SQSTM1: variants seen among roughly 807,000 people sequenced by gnomAD.
SQSTM1 encodes the protein sequestosome-1.
In SQSTM1, 36 loss-of-function variants were observed where a neutral mutation model predicts 45.1. That is an observed-to-expected ratio of 0.80 (90% CI 0.61 to 1.05). The LOEUF (loss-of-function observed/expected upper bound fraction) is 1.05, where lower values mean the gene tolerates loss of function less well. SQSTM1 is among the 50% of genes least tolerant of loss of function. The probability of loss-of-function intolerance (pLI) is 0.00; values close to 1 mark genes in which losing one functional copy is unlikely to be tolerated. For missense variants in SQSTM1, 617 were observed against 607.1 expected (o/e 1.02, Z -0.17); for synonymous variants, 290 against 244.3 (o/e 1.19, Z -1.74).
At chr5:179,809,155 CTT>C (rs148749058) in intron 1 of SQSTM1, among the ~76,000 whole-genome samples, 12 of 100,212 alleles carry the variant, frequency 1.2e-4, no homozygotes, top group Non-Finnish European at 1.2e-4. Flanking sequence ...CCACCCCGGC[CTT>C]TTTTTTTTTT....
At chr5:179,820,075 G>A (rs1757717074), upstream of SQSTM1, 1 of 152,690 alleles carries the variant, frequency 6.5e-6, no homozygotes, top group South Asian at 2.1e-4. Context: ...TTACTCTGGT[G>A]GCATAAAGCA....
intron 6 of SQSTM1, 94 bp from the exon 7 acceptor site, chr5:179,833,493 C>T (rs549227547): frequency 1.1e-5 from 15 of 1,354,556 alleles, no homozygotes; most frequent in East Asian, 4.7e-5. Context: ...CGTGTGCATG[C>T]GTGCTCCCCG....
At chr5:179,814,159 C>T (rs555124137), upstream of SQSTM1, among the ~76,000 whole-genome samples, 2 of 152,308 alleles carry the variant, frequency 1.3e-5, no homozygotes, top group East Asian at 3.9e-4. Context: ...AACTCCGTTT[C>T]TCTTGCTAAT....
In SQSTM1 at chr5:179,836,455, T is replaced by C. The variant is rs756095586; in HGVS notation, c.1185T>C (p.Ile395=). The C allele has an allele frequency of 1.2e-6, 2 of 1,614,206 alleles. No homozygotes were observed. Among genetic ancestry groups the C allele is most frequent in the South Asian group, 1.1e-5 (1 of 91,090 alleles). ...HLPPEADPRL[I]ESLSQMLSMG... ...CGGCAGAGGCTGACCCGCGGCTGATTGAGTCCCTCTCCCAGATGCTGTCCA... is the reference window on the plus strand; with the variant it reads ...CGGCAGAGGCTGACCCGCGGCTGATCGAGTCCCTCTCCCAGATGCTGTCCA... The change falls in exon 8 of 8, where the codon ATT becomes ATC. Residue 395 remains isoleucine (I), a synonymous_variant. Coordinates refer to ENST00000389805, the MANE Select transcript of SQSTM1 (RefSeq NM_003900.5).
chr5:179,829,109 C>A (rs376104408), intron 5 of SQSTM1, among the ~76,000 whole-genome samples: 1 of 152,192 alleles, frequency 6.6e-6, no homozygotes, highest in South Asian at 2.1e-4. Context: ...TGGCTCTTGC[C>A]AACAATTGAA....
rs1383894920 is a variant in SQSTM1, at chr5:179,836,533, C to A, written c.1263C>A (p.Asn421Lys). Reference protein sequence around the residue: ...GWLTRLLQTKNYDIGAALDTI... With the variant: ...GWLTRLLQTKKYDIGAALDTI... ...TCACCAGGCTCCTGCAGACCAAGAA[C>A]TATGACATCGGAGCGGCTCTGGACA... Residue 421 changes from asparagine (N) to lysine (K), a missense_variant, in exon 8 of 8, where the codon AAC (asparagine) becomes AAA (lysine). By Grantham distance (94) the Asn-to-Lys change is moderately conservative. Coordinates refer to ENST00000389805, the MANE Select transcript of SQSTM1 (RefSeq NM_003900.5). 1 of 1,614,112 alleles carries A rather than the reference C, an allele frequency of 6.2e-7. No individual in the cohort carries two copies. Among genetic ancestry groups the A allele is most frequent in the Admixed American group, 1.7e-5 (1 of 60,012 alleles).
At position 179,833,796 on chromosome 5, in the gene SQSTM1, G is replaced by C; in HGVS notation, c.1165+14G>C. 1 of 1,613,910 alleles carries C rather than the reference G, an allele frequency of 6.2e-7. No individual in the cohort carries two copies. The highest frequency in any genetic ancestry group is 8.5e-7 in the Non-Finnish European group (1 of 1,179,984). On this transcript the variant is annotated intron_variant, in intron 7 of 7. Transcript: ENST00000389805. The stretch of plus-strand genomic sequence containing the variant: ...ATCTCCCGCCAGGCAAGTGAACCAA[G>C]AGGTTTTGTACATATTCCTACCTTT...
intron 7 of SQSTM1, among the ~76,000 whole-genome samples, chr5:179,834,267 A>C (rs1271230332): frequency 2.7e-5 from 4 of 147,860 alleles, no homozygotes; most frequent in African/African-American, 1.0e-4. Context: ...CAGCTGACAG[A>C]AACTCCTCAT....
chr5:179,832,112 G>A (rs1039539841), intron 5 of SQSTM1, among the ~76,000 whole-genome samples: 5 of 152,168 alleles, frequency 3.3e-5, no homozygotes, highest in African/African-American at 7.2e-5. Flanking sequence ...AAAAAATTGC[G>A]TCTTGGAAAG....
chr5:179,808,883 A>G (rs1757302264), intron 1 of SQSTM1, among the ~76,000 whole-genome samples: 1 of 146,802 alleles, frequency 6.8e-6, no homozygotes, highest in South Asian at 2.1e-4. Context: ...TTTGAGACGG[A>G]GTCTTGCTCT....
rs1020488677 is a variant in SQSTM1, at chr5:179,823,690, G to A, written c.302-168G>A. ...CACAGGGACTGGGAACCTCCTAGCAGGTTCTTGGTGGCTCTGCTGCCCTCA... is the reference window on the plus strand; with the variant it reads ...CACAGGGACTGGGAACCTCCTAGCAAGTTCTTGGTGGCTCTGCTGCCCTCA... On this transcript the variant is annotated intron_variant, in intron 2 of 7. Transcript: ENST00000389805. The A allele has an allele frequency of 3.5e-4, 239 of 683,828 alleles. 2 individuals are homozygous for A. Among genetic ancestry groups the A allele is most frequent in the Non-Finnish European group, 7.4e-5 (30 of 406,554 alleles). The allele number at this position is 683,828 out of a possible 1,614,324, so 42.4% of individuals were successfully genotyped here.
At chr5:179,816,050 G>C (rs756876463), upstream of SQSTM1, among the ~76,000 whole-genome samples, 14 of 152,142 alleles carry the variant, frequency 9.2e-5, no homozygotes, top group Non-Finnish European at 1.9e-4. Flanking sequence ...TGCAGAGCTG[G>C]AGGTGGGGGA....
chr5:179,829,115 T>C (rs1010041489), intron 5 of SQSTM1, among the ~76,000 whole-genome samples: 7 of 152,272 alleles, frequency 4.6e-5, no homozygotes, highest in Admixed American at 1.3e-4. Flanking sequence ...TTGCCAACAA[T>C]TGAAGGAGAC....
intron 4 of SQSTM1, 35 bp downstream of exon 4, chr5:179,824,358 G>A: frequency 1.9e-6 from 3 of 1,613,226 alleles, no homozygotes; most frequent in Non-Finnish European, 2.5e-6. Flanking sequence ...TCTGATTGGT[G>A]ACAGTAGTCA....
chr5:179,827,336 CTG>C (rs1379849456), intron 5 of SQSTM1, among the ~76,000 whole-genome samples: 3 of 152,128 alleles, frequency 2.0e-5, no homozygotes, highest in African/African-American at 7.2e-5. Context: ...GAGTCTCGCT[CTG>C]TTGCCCAGGC....
upstream of SQSTM1, among the ~76,000 whole-genome samples, chr5:179,819,331 C>G (rs1321858487): frequency 1.3e-5 from 2 of 151,840 alleles, no homozygotes; most frequent in Admixed American, 6.6e-5. Flanking sequence ...TCCCCGCCCC[C>G]CCCCCAGTCT....
At chr5:179,831,959 AT>A (rs1758246980) in intron 5 of SQSTM1, among the ~76,000 whole-genome samples, 1 of 151,748 alleles carries the variant, frequency 6.6e-6, no homozygotes, top group South Asian at 2.1e-4. Context: ...GATTTTTTGT[AT>A]TTTTAGTAGA....
chr5:179,811,429 TG>T (rs1757398821), intron 1 of SQSTM1: 1 of 148,008 alleles, frequency 6.8e-6, no homozygotes, highest in African/African-American at 2.5e-5. Flanking sequence ...GGGAGGAGCT[TG>T]GTCTCATGTT....
chr5:179,809,431 G>T (rs1428045880), intron 1 of SQSTM1, among the ~76,000 whole-genome samples: 4 of 142,152 alleles, frequency 2.8e-5, no homozygotes, highest in African/African-American at 1.1e-4. Context: ...CCACCTCCTG[G>T]ATACAAGCAA....
Sources: allele counts gnomAD v4.1 joint callset (sites outside exome capture counted in the v4.1 genomes callset), GRCh38; gene constraint gnomAD v4.1.1; transcripts MANE v1.5; gene names NCBI Gene and HGNC (gene_info 2026-07-23, HGNC 2026-07-21).